Variants in RTL4 observed in about 807,000 individuals in gnomAD.
RTL4 encodes the protein retrotransposon Gag like 4.
Under a neutral mutation model 5.3 loss-of-function variants are expected in RTL4, and 4 were observed. The ratio of observed to expected loss-of-function variants is 0.75; its 90% CI spans 0.37 to 1.72. RTL4 has a LOEUF of 1.72. RTL4 is among the 40% of genes most tolerant of loss of function. The probability of loss-of-function intolerance (pLI) is 0.04; values close to 1 mark genes in which losing one functional copy is unlikely to be tolerated. For missense variants in RTL4, 260 were observed against 227.1 expected, an observed-to-expected ratio of 1.14 and a Z score of -0.93; for synonymous variants, 98 against 87.3, an observed-to-expected ratio of 1.12 and a Z score of -0.68.
At chrX:112,212,464 C>T in the RTL4 span, among the ~76,000 whole-genome samples, 2 of 112,941 alleles carry the variant, frequency 1.8e-5, no homozygotes, top group Middle Eastern at 9.2e-3. Context: ...ATTGCTACTG[C>T]TATTAGGACA....
chrX:112,101,274 C>T, the RTL4 span, among the ~76,000 whole-genome samples: 5 of 111,642 alleles, frequency 4.5e-5, no homozygotes, highest in African/African-American at 1.6e-4. Flanking sequence ...AAAAACCACT[C>T]TACTGAATAA....
chrX:112,129,744 A>G, the RTL4 span, among the ~76,000 whole-genome samples: 1 of 112,186 alleles, frequency 8.9e-6, no homozygotes, highest in Non-Finnish European at 1.9e-5. Context: ...ATGATCTTCT[A>G]TGTAGAAAAT....
the RTL4 span, among the ~76,000 whole-genome samples, chrX:112,258,324 G>C: frequency 5.4e-5 from 6 of 110,712 alleles, no homozygotes; most frequent in East Asian, 1.4e-3. Context: ...AGGGTCATCA[G>C]TTGTAACAAA....
chrX:112,221,450 G>A, the RTL4 span, among the ~76,000 whole-genome samples: 1 of 111,767 alleles, frequency 8.9e-6, no homozygotes. Context: ...AGGTCATGAG[G>A]AACCTGTCTC....
chrX:112,205,538 A>C, the RTL4 span, among the ~76,000 whole-genome samples: 4 of 111,320 alleles, frequency 3.6e-5, no homozygotes, highest in African/African-American at 6.5e-5. Context: ...CATCCTGAAT[A>C]TCTCATTTCC....
the RTL4 span, among the ~76,000 whole-genome samples, chrX:112,425,382 T>C: frequency 9.0e-6 from 1 of 111,699 alleles, no homozygotes; most frequent in Non-Finnish European, 1.9e-5. Flanking sequence ...AAAGCTACTG[T>C]AAACATCAGT....
the RTL4 span, among the ~76,000 whole-genome samples, chrX:112,093,663 A>G: frequency 9.2e-4 from 103 of 112,119 alleles, no homozygotes; most frequent in Non-Finnish European, 1.7e-3. Context: ...TAAATACTGT[A>G]TGATAGTTGT....
In RTL4 at chrX:112,454,805, G is replaced by A. The variant is rs755353797; in HGVS notation, c.77G>A (p.Arg26Gln). ...CTTCAGGCAGAGAATCTGATTCTGC[G>A]GCTTCAAATGCAGCATCCAACCACG... The change falls in exon 1 of 1, where the codon CGG (arginine) becomes CAG (glutamine). Residue 26 changes from arginine to glutamine, a missense_variant. Coordinates refer to ENST00000340433, the Ensembl canonical transcript of RTL4. 108 of 1,207,434 alleles carry A rather than the reference G, an allele frequency of 8.9e-5. No homozygotes were observed. Among genetic ancestry groups the A allele is most frequent in the Non-Finnish European group, 1.1e-4 (99 of 894,405 alleles).
chrX:112,253,991 G>A, the RTL4 span, among the ~76,000 whole-genome samples: 1 of 111,940 alleles, frequency 8.9e-6, no homozygotes, highest in African/African-American at 3.3e-5. Flanking sequence ...ACTTACCCTT[G>A]CTGTATTTAG....
the RTL4 span, among the ~76,000 whole-genome samples, chrX:112,133,638 G>T: frequency 9.0e-5 from 10 of 111,681 alleles, no homozygotes; most frequent in African/African-American, 3.2e-4. Context: ...TCTAGCTCTG[G>T]CTTCTCACAC....
chrX:112,120,799 G>A, the RTL4 span, among the ~76,000 whole-genome samples: 4 of 111,480 alleles, frequency 3.6e-5, no homozygotes, highest in Non-Finnish European at 7.5e-5. Flanking sequence ...ATAAAGACAT[G>A]GAATTTGACA....
the RTL4 span, among the ~76,000 whole-genome samples, chrX:112,206,083 A>G: frequency 2.7e-5 from 3 of 111,646 alleles, no homozygotes; most frequent in African/African-American, 9.8e-5. Context: ...GAGGAAGTAC[A>G]TTTTTCTCTA....
At chrX:112,171,647 T>C in the RTL4 span, among the ~76,000 whole-genome samples, 1 of 111,862 alleles carries the variant, frequency 8.9e-6, no homozygotes, top group Admixed American at 9.5e-5. Flanking sequence ...CTTCTCTCTT[T>C]TCTTATCTAT....
the RTL4 span, among the ~76,000 whole-genome samples, chrX:112,304,849 C>T: frequency 9.2e-6 from 1 of 109,188 alleles, no homozygotes; most frequent in Non-Finnish European, 1.9e-5. Context: ...CCTCCCATCC[C>T]ACTCCTGCAT....
chrX:112,390,180 C>T, the RTL4 span, among the ~76,000 whole-genome samples: 2 of 70,681 alleles, frequency 2.8e-5, no homozygotes, highest in Non-Finnish European at 2.6e-5. Flanking sequence ...TGGCCAGGTG[C>T]CATGGCTCAC....
chrX:112,382,425 T>G, the RTL4 span, among the ~76,000 whole-genome samples: 13 of 111,400 alleles, frequency 1.2e-4, no homozygotes, highest in Non-Finnish European at 2.4e-4. Flanking sequence ...GCTTTTTCTT[T>G]AAATACTCTT....
At chrX:112,334,030 C>T in the RTL4 span, among the ~76,000 whole-genome samples, 1 of 107,339 alleles carries the variant, frequency 9.3e-6, no homozygotes, top group South Asian at 4.2e-4. Context: ...TTTTAGATCT[C>T]ACAAATAAGT....
chrX:112,185,376 A>ATAT, the RTL4 span, among the ~76,000 whole-genome samples: 8 of 85,316 alleles, frequency 9.4e-5, no homozygotes, highest in South Asian at 5.7e-4. Context: ...CTATTTTATT[A>ATAT]ATATATATAT....
At chrX:112,191,777 C>T in the RTL4 span, among the ~76,000 whole-genome samples, 1 of 111,706 alleles carries the variant, frequency 9.0e-6, no homozygotes, top group Admixed American at 9.5e-5. Context: ...GTGAACTCAT[C>T]AAGTGATTTT....
Sources: allele counts gnomAD v4.1 joint callset (sites outside exome capture counted in the v4.1 genomes callset), GRCh38; gene constraint gnomAD v4.1.1; transcripts MANE v1.5; gene names NCBI Gene and HGNC (gene_info 2026-07-23, HGNC 2026-07-21).